The following DYNC2H1 variants were observed in gnomAD, a reference collection of about 807,000 sequenced individuals.
DYNC2H1 encodes dynein cytoplasmic 2 heavy chain 1, also known as cytoplasmic dynein 2 heavy chain 1.
Under a neutral mutation model 570.0 loss-of-function variants are expected in DYNC2H1, and 410 were observed. The observed-to-expected ratio is 0.72, with a 90% CI of 0.66 to 0.78. The LOEUF is 0.78. Ranked by LOEUF, DYNC2H1 falls within the 30% of genes least tolerant of loss-of-function variation. DYNC2H1 has a pLI of 0.00. For synonymous variants in DYNC2H1, 1,688 were observed against 1,677.6 expected (o/e 1.01, Z -0.15); for missense variants, 4,865 against 5,046.4 (o/e 0.96, Z 1.09).
chr11:103,124,609 C>G (rs989664812), intron 11 of DYNC2H1, among the ~76,000 whole-genome samples: 1 of 151,892 alleles, frequency 6.6e-6, no homozygotes, highest in Non-Finnish European at 1.5e-5. Context: ...TTACAAGAAA[C>G]ACAAAAAAGG....
intron 56 of DYNC2H1, 106 bp from the exon 57 acceptor site, chr11:103,220,516 TA>T: frequency 9.1e-7 from 1 of 1,102,276 alleles, no homozygotes; most frequent in East Asian, 2.7e-5. Context: ...AGAACATTAG[TA>T]ACTATAGTCA....
rs1422956740 is a variant in DYNC2H1, at chr11:103,367,250, T to C, written c.12156+8891T>C. On this transcript the variant is annotated intron_variant, in intron 83 of 88. Coordinates refer to ENST00000375735, the MANE Select transcript of DYNC2H1 (RefSeq NM_001377.3). ...GTTTTTTAAAAAATGTATTTCATTG[T>C]TCCAATAGTTATTGCTAGAATGCTT... is the stretch of plus-strand genomic sequence containing the variant. Among the ~76,000 whole-genome samples, 5 of 152,232 alleles carry C rather than the reference T, an allele frequency of 3.3e-5. No individual in the cohort carries two copies. In the South Asian group the frequency reaches 1.0e-3, roughly 32 times the overall value.
At chr11:103,468,459 TA>T (rs1307550810) in intron 87 of DYNC2H1, 129 bp from the exon 88 acceptor site, 61 of 616,330 alleles carry the variant, frequency 9.9e-5, no homozygotes, top group Non-Finnish European at 1.7e-4. Context: ...CAAAGTACCA[TA>T]ATCTTTGTTT....
chr11:103,335,493 G>A (rs1266285718), intron 82 of DYNC2H1, among the ~76,000 whole-genome samples: 7 of 113,256 alleles, frequency 6.2e-5, no homozygotes, highest in Non-Finnish European at 1.2e-4. Context: ...CTGGCCATGA[G>A]ATTAGCAGAG....
At chr11:103,140,017 A>G (rs1210493164) in intron 17 of DYNC2H1, among the ~76,000 whole-genome samples, 6 of 151,990 alleles carry the variant, frequency 3.9e-5, no homozygotes, top group Non-Finnish European at 7.4e-5. Context: ...AGTCTGTTTT[A>G]TCAGAGACTA....
At chr11:103,242,634 A>G (rs576622670) in intron 63 of DYNC2H1, among the ~76,000 whole-genome samples, 2 of 152,328 alleles carry the variant, frequency 1.3e-5, no homozygotes, top group East Asian at 3.9e-4. Flanking sequence ...TTTTAAATTT[A>G]TCATACATAT....
intron 13 of DYNC2H1, among the ~76,000 whole-genome samples, chr11:103,130,157 A>G (rs1859199566): frequency 6.6e-6 from 1 of 152,192 alleles, no homozygotes; most frequent in Non-Finnish European, 1.5e-5. Flanking sequence ...TTAGAGACTC[A>G]AAACCTAGGT....
chr11:103,294,490 G>T (rs1297685898), intron 75 of DYNC2H1, among the ~76,000 whole-genome samples: 1 of 152,114 alleles, frequency 6.6e-6, no homozygotes, highest in East Asian at 1.9e-4. Flanking sequence ...ACACAGCCTT[G>T]GTGGACCTTA....
In DYNC2H1 at chr11:103,189,711, A is replaced by G. The variant is rs1450266687; in HGVS notation, c.7332A>G (p.Ala2444=). The G allele has an allele frequency of 2.5e-6, 4 of 1,613,052 alleles. No individual in the cohort carries two copies. In the South Asian group the frequency reaches 3.3e-5, roughly 13 times the overall value. Residue 2444 remains alanine (A), a synonymous_variant, in exon 45 of 89, where the codon GCA becomes GCG. Coordinates refer to ENST00000375735, the MANE Select transcript of DYNC2H1 (RefSeq NM_001377.3). The surrounding 1 kb of genome is among the most constrained non-coding windows in gnomAD (Gnocchi z 4.3). ...EREQLQTIYG[A]YLEPVLHKNL... ...AGCAGTTACAAACGATTTATGGAGC[A>G]TATTTGGAACCAGTTCTACATAAAA...
At chr11:103,169,014 G>A (rs2134959772) in intron 32 of DYNC2H1, 54 bp downstream of exon 32, 2 of 1,438,700 alleles carry the variant, frequency 1.4e-6, no homozygotes, top group South Asian at 1.5e-5. Flanking sequence ...TTACTGTAAA[G>A]AAAATTTGTT....
chr11:103,297,703 A>T (rs1425485446), intron 75 of DYNC2H1, among the ~76,000 whole-genome samples: 5 of 152,110 alleles, frequency 3.3e-5, no homozygotes, highest in Admixed American at 2.0e-4. Context: ...AAAAGTCATT[A>T]TGCAGCTCAT....
At position 103,280,044 on chromosome 11, in the gene DYNC2H1, C is replaced by T. The variant is rs1396766442; in HGVS notation, c.10696-304C>T. On this transcript the variant is annotated intron_variant, in intron 70 of 88. Coordinates refer to ENST00000375735, the MANE Select transcript of DYNC2H1 (RefSeq NM_001377.3). The surrounding 1 kb of genome is among the most constrained non-coding windows in gnomAD (Gnocchi z 4.7). ...TGGTGGATGATGACTAATCAAATTT[C>T]ACAACTATATTAATGTTTCACCTGG... 1.3e-5 allele frequency among the ~76,000 whole-genome samples: 2 copies of T among 152,090 alleles called. No homozygotes were observed. The highest frequency in any genetic ancestry group is 4.8e-5 in the African/African-American group (2 of 41,420).
chr11:103,419,286 C>T (rs1943398055), intron 84 of DYNC2H1, among the ~76,000 whole-genome samples: 1 of 152,170 alleles, frequency 6.6e-6, no homozygotes, highest in Non-Finnish European at 1.5e-5. Context: ...CAAAAATGAG[C>T]CAGACTGATT....
intron 84 of DYNC2H1, 128 bp from the exon 85 acceptor site, chr11:103,435,815 C>G (rs1031480652): frequency 2.7e-6 from 2 of 731,292 alleles, no homozygotes; most frequent in African/African-American, 1.7e-5. Flanking sequence ...TTAATGAGAT[C>G]AAACTTAATG....
intron 87 of DYNC2H1, among the ~76,000 whole-genome samples, chr11:103,464,378 G>A (rs1365988541): frequency 6.6e-6 from 1 of 152,106 alleles, no homozygotes; most frequent in East Asian, 1.9e-4. Context: ...AATAGTTTCA[G>A]ATACTCCAAC....
intron 87 of DYNC2H1, among the ~76,000 whole-genome samples, chr11:103,458,098 A>G (rs1390339284): frequency 1.3e-5 from 2 of 152,216 alleles, no homozygotes; most frequent in Non-Finnish European, 2.9e-5. Context: ...ATCATTCACC[A>G]CTTATTCACT....
At position 103,153,506 on chromosome 11, in the gene DYNC2H1, G is replaced by T. The variant is rs769466212; in HGVS notation, c.3300G>T (p.Leu1100=). Residue 1100 remains leucine (L), a splice_region_variant and synonymous_variant, in exon 22 of 89, where the codon CTG becomes CTT. Coordinates refer to ENST00000375735, the MANE Select transcript of DYNC2H1 (RefSeq NM_001377.3). ...FDDLEVTRKK[L]VDDCHHFRLE... is the part of the protein sequence containing the mutation. ...ATCTTGAAGTCACAAGAAAAAAGCT[G>T]GTGTATGTTTTTTCTTTAAAATTGA... 4.5e-6 allele frequency: 7 copies of T among 1,548,974 alleles called. No individual in the cohort carries two copies. Among genetic ancestry groups the T allele is most frequent in the Non-Finnish European group, 6.1e-6 (7 of 1,151,034 alleles).
At chr11:103,467,331 T>C (rs1945223305) in intron 87 of DYNC2H1, among the ~76,000 whole-genome samples, 1 of 152,168 alleles carries the variant, frequency 6.6e-6, no homozygotes, top group Non-Finnish European at 1.5e-5. Context: ...ACAGCAACCT[T>C]ACTGTAAAAT....
At chr11:103,373,722 C>A (rs534316440) in intron 83 of DYNC2H1, among the ~76,000 whole-genome samples, 2 of 152,282 alleles carry the variant, frequency 1.3e-5, no homozygotes, top group South Asian at 4.1e-4. Context: ...ATGGTGCAAT[C>A]TTAGTCCAAT....
Sources: allele counts gnomAD v4.1 joint callset (sites outside exome capture counted in the v4.1 genomes callset), GRCh38; gene constraint gnomAD v4.1.1; non-coding constraint Gnocchi (gnomAD v3.1); transcripts MANE v1.5; gene names NCBI Gene and HGNC (gene_info 2026-07-23, HGNC 2026-07-21).